Variants in MECOM observed in about 807,000 individuals in gnomAD.
MECOM encodes MDS1 and EVI1 complex locus.
A neutral mutation model predicts 116.3 loss-of-function variants in MECOM; 13 were observed. That is an observed-to-expected ratio of 0.11 (90% CI 0.07 to 0.18). The LOEUF is 0.18. Among genes scored for constraint, MECOM ranks in the 10% least tolerant of loss-of-function variants. The pLI is 1.00. For synonymous variants in MECOM, 528 were observed against 535.2 expected (o/e 0.99, Z 0.19); for missense variants, 1,299 against 1,509.0 (o/e 0.86, Z 2.31).
At chr3:169,521,950 T>A (rs1757398923) in intron 1 of MECOM, among the ~76,000 whole-genome samples, 1 of 152,234 alleles carries the variant, frequency 6.6e-6, no homozygotes, top group Admixed American at 6.5e-5. Context: ...GTAATATAAG[T>A]AATCTAGAGA....
chr3:169,588,569 G>C (rs991555921), intron 1 of MECOM, among the ~76,000 whole-genome samples: 10 of 152,186 alleles, frequency 6.6e-5, no homozygotes, highest in Admixed American at 5.9e-4. Flanking sequence ...CAGACATATG[G>C]GAAGACTGTG....
chr3:169,472,245 G>A (rs1749379233), intron 1 of MECOM, among the ~76,000 whole-genome samples: 1 of 150,252 alleles, frequency 6.7e-6, no homozygotes, highest in Non-Finnish European at 1.5e-5. Flanking sequence ...CAAGAGGTTA[G>A]TTCACCCAAT....
chr3:169,477,099 G>GTA (rs1750541405), intron 1 of MECOM: 2 of 46,232 alleles, frequency 4.3e-5, no homozygotes, highest in African/African-American at 2.2e-4. Flanking sequence ...GTGTGTGTGT[G>GTA]TGTGTGTATA....
At chr3:169,345,831 C>A (rs373281973) in intron 2 of MECOM, among the ~76,000 whole-genome samples, 1 of 152,058 alleles carries the variant, frequency 6.6e-6, no homozygotes, top group Non-Finnish European at 1.5e-5. Flanking sequence ...TTTTACATAA[C>A]GACATGGCAC....
intron 2 of MECOM, among the ~76,000 whole-genome samples, chr3:169,208,605 A>C (rs1394921333): frequency 1.3e-5 from 2 of 152,016 alleles, no homozygotes; most frequent in African/African-American, 4.8e-5. Flanking sequence ...TATATGTTAA[A>C]GTAAGGATCA....
At chr3:169,574,171 A>G (rs1006759708) in intron 1 of MECOM, among the ~76,000 whole-genome samples, 3 of 152,234 alleles carry the variant, frequency 2.0e-5, no homozygotes, top group Non-Finnish European at 4.4e-5. Flanking sequence ...ACCCTTATGC[A>G]TAAGAAACAG....
At chr3:169,089,660 A>G (rs1719015829) in intron 15 of MECOM, among the ~76,000 whole-genome samples, 1 of 152,164 alleles carries the variant, frequency 6.6e-6, no homozygotes, top group East Asian at 1.9e-4. Context: ...TGACCATGCC[A>G]GATTATTGTA....
At chr3:169,604,219 A>G (rs905656132) in intron 1 of MECOM, among the ~76,000 whole-genome samples, 1 of 151,780 alleles carries the variant, frequency 6.6e-6, no homozygotes, top group Non-Finnish European at 1.5e-5. Flanking sequence ...AAAGAGAGAG[A>G]AATCTCTCTC....
At chr3:169,193,668 A>T (rs1025586219) in intron 2 of MECOM, among the ~76,000 whole-genome samples, 6 of 151,948 alleles carry the variant, frequency 3.9e-5, no homozygotes, top group African/African-American at 1.4e-4. Context: ...TTAAATAAAA[A>T]ATATTTAATT....
intron 1 of MECOM, among the ~76,000 whole-genome samples, chr3:169,381,969 A>G (rs1732460771): frequency 6.6e-6 from 1 of 152,208 alleles, no homozygotes; most frequent in South Asian, 2.1e-4. Context: ...AGAGTCATCA[A>G]AGATTCCAAA....
intron 2 of MECOM, among the ~76,000 whole-genome samples, chr3:169,303,085 A>T (rs953783341): frequency 1.2e-4 from 19 of 152,220 alleles, no homozygotes; most frequent in African/African-American, 4.3e-4. Context: ...CAAAAAGGTC[A>T]CATGAAAAAC....
At chr3:169,659,777 G>T (rs1005691652) in intron 1 of MECOM, among the ~76,000 whole-genome samples, 2 of 152,144 alleles carry the variant, frequency 1.3e-5, no homozygotes, top group Non-Finnish European at 2.9e-5. Context: ...TTGTGGGGGG[G>T]TTGTTTTGTT....
At chr3:169,215,497 A>G (rs190326628) in intron 2 of MECOM, among the ~76,000 whole-genome samples, 46 of 152,212 alleles carry the variant, frequency 3.0e-4, no homozygotes, top group Admixed American at 2.6e-3. Context: ...AACCCATTCA[A>G]CGATGGTTAC....
At chr3:169,495,288 G>T (rs1753674154) in intron 1 of MECOM, among the ~76,000 whole-genome samples, 1 of 152,162 alleles carries the variant, frequency 6.6e-6, no homozygotes, top group Non-Finnish European at 1.5e-5. Flanking sequence ...CATCACAACA[G>T]ACTATAATTG....
At chr3:169,605,927 A>G (rs768833892) in intron 1 of MECOM, among the ~76,000 whole-genome samples, 1 of 152,200 alleles carries the variant, frequency 6.6e-6, no homozygotes, top group African/African-American at 2.4e-5. Flanking sequence ...TGAGTGAAAT[A>G]TCATAGACAG....
intron 1 of MECOM, among the ~76,000 whole-genome samples, chr3:169,560,649 T>A (rs1370229234): frequency 6.6e-6 from 1 of 152,038 alleles, no homozygotes; most frequent in Non-Finnish European, 1.5e-5. Context: ...AAATACTCAA[T>A]GATATAGCAT....
intron 1 of MECOM, among the ~76,000 whole-genome samples, chr3:169,386,888 A>G (rs1733413371): frequency 6.6e-6 from 1 of 152,174 alleles, no homozygotes; most frequent in African/African-American, 2.4e-5. Flanking sequence ...TTACTGCTTA[A>G]TTCACATCTC....
intron 1 of MECOM, among the ~76,000 whole-genome samples, chr3:169,644,561 C>T (rs1397616610): frequency 6.6e-6 from 1 of 152,166 alleles, no homozygotes; most frequent in South Asian, 2.1e-4. Context: ...CCGGCCCCTA[C>T]CATTTTATAT....
chr3:169,539,202 T>G (rs909759102), intron 1 of MECOM, among the ~76,000 whole-genome samples: 4 of 152,240 alleles, frequency 2.6e-5, no homozygotes, highest in African/African-American at 9.6e-5. Flanking sequence ...GTGGATTTGT[T>G]GAGTAATCTT....
Sources: allele counts gnomAD v4.1 joint callset (sites outside exome capture counted in the v4.1 genomes callset), GRCh38; gene constraint gnomAD v4.1.1; transcripts MANE v1.5; gene names NCBI Gene and HGNC (gene_info 2026-07-23, HGNC 2026-07-21).